CHRM3: variants seen among roughly 807,000 people sequenced by gnomAD.
The protein encoded by CHRM3 is muscarinic acetylcholine receptor M3.
A neutral mutation model predicts 41.8 loss-of-function variants in CHRM3; 11 were observed. That is an observed-to-expected ratio of 0.26 (90% confidence interval 0.17 to 0.44). The LOEUF is 0.44. CHRM3 is among the 20% of genes least tolerant of loss of function. The probability of loss-of-function intolerance (pLI) is 1.00; values close to 1 mark genes in which losing one functional copy is unlikely to be tolerated. For synonymous variants in CHRM3, 297 were observed against 301.4 expected, an observed-to-expected ratio of 0.99 and a Z score of 0.15; for missense variants, 571 against 745.4, an observed-to-expected ratio of 0.77 and a Z score of 2.72.
At chr1:239,751,931 T>A (rs2148584537) in intron 5 of CHRM3, among the ~76,000 whole-genome samples, 1 of 152,326 alleles carries the variant, frequency 6.6e-6, no homozygotes, top group African/African-American at 2.4e-5. Flanking sequence ...GGAATAAGAC[T>A]GCTGAAGAGC....
intron 4 of CHRM3, among the ~76,000 whole-genome samples, chr1:239,639,701 G>A (rs1446914369): frequency 2.0e-5 from 3 of 151,680 alleles, no homozygotes; most frequent in Non-Finnish European, 2.9e-5. Context: ...CAATCATGTT[G>A]TCTGCAAACA....
At chr1:239,654,599 A>T (rs1672546038) in intron 4 of CHRM3, among the ~76,000 whole-genome samples, 1 of 152,092 alleles carries the variant, frequency 6.6e-6, no homozygotes, top group South Asian at 2.1e-4. Flanking sequence ...GGGTTTTACC[A>T]TGTGGGCCGG....
At chr1:239,421,893 C>T (rs902383966) in intron 1 of CHRM3, among the ~76,000 whole-genome samples, 1 of 151,714 alleles carries the variant, frequency 6.6e-6, no homozygotes, top group Admixed American at 6.6e-5. Flanking sequence ...CTTTTCTTTT[C>T]ACTTGTTAAG....
intron 1 of CHRM3, among the ~76,000 whole-genome samples, chr1:239,403,786 G>A (rs1660180803): frequency 6.6e-6 from 1 of 151,834 alleles, no homozygotes. Flanking sequence ...AATCATATGG[G>A]ATGTCTGCTA....
Position 239,583,263 on chromosome 1 carries a change from T to C in CHRM3, c.-313+37514T>C, listed in dbSNP as rs144447558. Among the ~76,000 whole-genome samples the C allele has an allele frequency of 2.6e-5, 4 of 152,358 alleles. No homozygotes were observed. The East Asian group carries it at 7.7e-4, about 29-fold the overall frequency. ...TGTATTAAACATGCATATGTACTTGTAGACAACTTAATTACAAATGATTCA... is the reference window on the plus strand; with the variant it reads ...TGTATTAAACATGCATATGTACTTGCAGACAACTTAATTACAAATGATTCA... On this transcript the variant is annotated intron_variant, in intron 3 of 6. Transcript: ENST00000676153.
At chr1:239,646,493 A>G (rs1285411497) in intron 4 of CHRM3, among the ~76,000 whole-genome samples, 2 of 152,214 alleles carry the variant, frequency 1.3e-5, no homozygotes, top group African/African-American at 4.8e-5. Context: ...GAAAATGTTC[A>G]TGAAAGTGAC....
intron 1 of CHRM3, among the ~76,000 whole-genome samples, chr1:239,443,360 C>A (rs970323632): frequency 6.6e-6 from 1 of 152,016 alleles, no homozygotes; most frequent in Non-Finnish European, 1.5e-5. Context: ...CTACTGTTTG[C>A]GAAGGGAAGC....
At chr1:239,643,319 G>A (rs1418193476) in intron 4 of CHRM3, among the ~76,000 whole-genome samples, 1 of 152,224 alleles carries the variant, frequency 6.6e-6, no homozygotes, top group Non-Finnish European at 1.5e-5. Context: ...GGACATTTAA[G>A]TCTGCAGTGG....
At chr1:239,393,086 G>A (rs974899131) in intron 1 of CHRM3, among the ~76,000 whole-genome samples, 2 of 152,114 alleles carry the variant, frequency 1.3e-5, no homozygotes, top group African/African-American at 4.8e-5. Flanking sequence ...CTTGAGGCCA[G>A]GAGTTCAAGG....
At chr1:239,542,942 T>C (rs1490713180) in intron 2 of CHRM3, among the ~76,000 whole-genome samples, 1 of 152,258 alleles carries the variant, frequency 6.6e-6, no homozygotes, top group East Asian at 1.9e-4. Flanking sequence ...ACCTTCATGC[T>C]TTCTTCGTTT....
intron 5 of CHRM3, among the ~76,000 whole-genome samples, chr1:239,772,929 T>C (rs1304417293): frequency 6.6e-6 from 1 of 152,152 alleles, no homozygotes; most frequent in Non-Finnish European, 1.5e-5. Flanking sequence ...AGACTAAGTG[T>C]CTTCAAGCAA....
Position 239,420,741 on chromosome 1 carries a change from T to C in CHRM3, c.-521+33514T>C, listed in dbSNP as rs570434749. Reference sequence around the variant, plus strand: ...TGCTTTCCCAGTTATTCTGTTTTAATAAGTTTTATGCTGATGGTTAGAAGT... The same window carrying C: ...TGCTTTCCCAGTTATTCTGTTTTAACAAGTTTTATGCTGATGGTTAGAAGT... On this transcript the variant is annotated intron_variant, in intron 1 of 6. Coordinates refer to ENST00000676153, the MANE Select transcript of CHRM3 (RefSeq NM_001375978.1). Among the ~76,000 whole-genome samples, 10 of 152,328 alleles carry C rather than the reference T, an allele frequency of 6.6e-5. No individual in the cohort carries two copies. In the South Asian group the frequency reaches 2.1e-3, roughly 32 times the overall value.
At chr1:239,849,521 T>G (rs1674528890) in intron 6 of CHRM3, among the ~76,000 whole-genome samples, 1 of 152,218 alleles carries the variant, frequency 6.6e-6, no homozygotes, top group Non-Finnish European at 1.5e-5. Context: ...ATACATAAAA[T>G]ATAATAAAAA....
chr1:239,666,876 GAGTACACAATGTTT>G (rs1299497357), intron 4 of CHRM3, among the ~76,000 whole-genome samples: 1 of 152,106 alleles, frequency 6.6e-6, no homozygotes, highest in Non-Finnish European at 1.5e-5. Context: ...TTATGTCCAT[GAGTACACAATGTTT>G]AGCTCCCACT....
chr1:239,724,743 G>A (rs563418544), intron 5 of CHRM3, among the ~76,000 whole-genome samples: 2 of 152,024 alleles, frequency 1.3e-5, no homozygotes, highest in South Asian at 4.1e-4. Context: ...TGATGTCTCT[G>A]TGTGTCATAT....
At chr1:239,485,521 C>T (rs1260613887) in intron 1 of CHRM3, among the ~76,000 whole-genome samples, 5 of 152,160 alleles carry the variant, frequency 3.3e-5, no homozygotes, top group South Asian at 2.1e-4. Context: ...GGGCCTTAAG[C>T]GTTCCTCCTT....
At chr1:239,877,833 G>T (rs552669666) in intron 6 of CHRM3, among the ~76,000 whole-genome samples, 69 of 152,028 alleles carry the variant, frequency 4.5e-4, no homozygotes, top group African/African-American at 1.6e-3. Context: ...GAGGAGAGGA[G>T]GGGGTGGTTT....
At chr1:239,710,284 T>C (rs1174326505) in intron 5 of CHRM3, among the ~76,000 whole-genome samples, 1 of 152,206 alleles carries the variant, frequency 6.6e-6, no homozygotes, top group Non-Finnish European at 1.5e-5. Flanking sequence ...TATATATGTG[T>C]TTGTATGTAT....
In CHRM3 at chr1:239,708,736, CTTTTTTTT is replaced by C. The variant is rs869143310; in HGVS notation, c.-147+30468_-147+30475del. ...CTTTGTTTCTTCTGGTTTAAATTTT[CTTTTTTTT>C]TTTTTTTTTTTTTTTTTTTGGTGTT... On this transcript the variant is annotated intron_variant, in intron 5 of 6. Coordinates refer to ENST00000676153, the MANE Select transcript of CHRM3 (RefSeq NM_001375978.1). 1.4e-3 allele frequency among the ~76,000 whole-genome samples: 70 copies of C among 48,346 alleles called. 1 individual carries two copies. Among genetic ancestry groups the C allele is most frequent in the East Asian group, 5.5e-3 (7 of 1,272 alleles). 31.7% of individuals were successfully genotyped at this position (48,346 alleles called of 152,430 possible).
Sources: allele counts gnomAD v4.1 joint callset (sites outside exome capture counted in the v4.1 genomes callset), GRCh38; gene constraint gnomAD v4.1.1; transcripts MANE v1.5; gene names NCBI Gene and HGNC (gene_info 2026-07-23, HGNC 2026-07-21).